Variants in SLC9A9 observed in about 807,000 individuals in gnomAD.
SLC9A9 encodes the protein sodium/hydrogen exchanger 9.
A neutral mutation model predicts 77.8 loss-of-function variants in SLC9A9; 62 were observed. The observed-to-expected ratio is 0.80, with a 90% CI of 0.65 to 0.98. The LOEUF is 0.98. SLC9A9 is among the 50% of genes least tolerant of loss of function. The pLI is 0.00. For synonymous variants in SLC9A9, 320 were observed against 283.5 expected, an observed-to-expected ratio of 1.13 and a Z score of -1.29; for missense variants, 775 against 774.9, an observed-to-expected ratio of 1.00 and a Z score of 0.00.
chr3:143,426,339 C>A (rs1418998308), intron 12 of SLC9A9, among the ~76,000 whole-genome samples: 1 of 152,126 alleles, frequency 6.6e-6, no homozygotes, highest in Non-Finnish European at 1.5e-5. Context: ...TTTAATCAAC[C>A]CTTTTATATT....
At chr3:143,440,711 T>TATCACTA (rs2034717749) in intron 12 of SLC9A9, among the ~76,000 whole-genome samples, 3 of 152,222 alleles carry the variant, frequency 2.0e-5, no homozygotes, top group Non-Finnish European at 4.4e-5. Context: ...CTCTTTGATG[T>TATCACTA]GAAATTACAA....
chr3:143,408,121 G>T (rs527242152), intron 12 of SLC9A9, among the ~76,000 whole-genome samples: 1 of 152,230 alleles, frequency 6.6e-6, no homozygotes, highest in East Asian at 1.9e-4. Flanking sequence ...TATCAGATCG[G>T]GGCCCAATGT....
rs554939930 is a variant in SLC9A9 at position 143,507,833 on chromosome 3, G to A, written c.1090-12385C>T. On this transcript the variant is annotated intron_variant, in intron 9 of 15. Transcript: ENST00000316549. ...GGTGGCTGCAGATCTGGTGTTGAGA[G>A]CCCATTTCCTAGTTTGCAGATGGCT... Among the ~76,000 whole-genome samples the A allele has an allele frequency of 3.3e-5, 5 of 152,296 alleles. No homozygotes were observed. The South Asian group carries it at 1.0e-3, about 32-fold the overall frequency.
At chr3:143,735,497 G>C (rs1288353915) in intron 4 of SLC9A9, among the ~76,000 whole-genome samples, 2 of 152,122 alleles carry the variant, frequency 1.3e-5, no homozygotes, top group African/African-American at 4.8e-5. Flanking sequence ...AAAGCCCAGG[G>C]CAACGAGTCC....
At chr3:143,705,564 CATAA>C (rs1425544757) in intron 4 of SLC9A9, among the ~76,000 whole-genome samples, 1 of 151,646 alleles carries the variant, frequency 6.6e-6, no homozygotes, top group Non-Finnish European at 1.5e-5. Context: ...ACATGTAACG[CATAA>C]ATATATACAG....
At chr3:143,738,367 A>G (rs956854217) in intron 4 of SLC9A9, among the ~76,000 whole-genome samples, 22 of 152,258 alleles carry the variant, frequency 1.4e-4, no homozygotes, top group African/African-American at 5.3e-4. Flanking sequence ...TATAAAATCT[A>G]GTGGCCACAC....
chr3:143,453,580 CAT>C (rs1215603328), intron 12 of SLC9A9, among the ~76,000 whole-genome samples: 3 of 152,154 alleles, frequency 2.0e-5, no homozygotes, highest in Non-Finnish European at 4.4e-5. Flanking sequence ...ATTATCTCAA[CAT>C]ATTCTGAAAG....
chr3:143,415,471 G>A (rs1396578439), intron 12 of SLC9A9, among the ~76,000 whole-genome samples: 1 of 152,180 alleles, frequency 6.6e-6, no homozygotes, highest in Non-Finnish European at 1.5e-5. Context: ...AAATCCTAGG[G>A]CCATTAAGAG....
At position 143,693,323 on chromosome 3, in the gene SLC9A9, A is replaced by T; in HGVS notation, c.534-16T>A. 1.3e-6 allele frequency: 2 copies of T among 1,578,728 alleles called. No individual in the cohort carries two copies. Among genetic ancestry groups the T allele is most frequent in the Non-Finnish European group, 1.7e-6 (2 of 1,148,136 alleles). On this transcript the variant is annotated splice_polypyrimidine_tract_variant and intron_variant, in intron 4 of 15. Coordinates refer to ENST00000316549, the MANE Select transcript of SLC9A9 (RefSeq NM_173653.4). ...CATAATTAACCTGTTGAAGAGAAAAACATGACCTTCAAACATCAAGATGAA... is the reference window on the plus strand; with the variant it reads ...CATAATTAACCTGTTGAAGAGAAAATCATGACCTTCAAACATCAAGATGAA...
In SLC9A9 at chr3:143,307,413, G is replaced by A. The variant is rs144856462; in HGVS notation, c.1605-38433C>T. ...AAACAGAAATTGACATGGCCATACTGAATTCTGCACATATGATCTCTTGAC... is the reference window on the plus strand; with the variant it reads ...AAACAGAAATTGACATGGCCATACTAAATTCTGCACATATGATCTCTTGAC... On this transcript the variant is annotated intron_variant, in intron 14 of 15. Coordinates refer to ENST00000316549, the MANE Select transcript of SLC9A9 (RefSeq NM_173653.4). Among the ~76,000 whole-genome samples, 403 of 152,332 alleles carry A rather than the reference G, an allele frequency of 2.6e-3. 3 individuals are homozygous for A. Among genetic ancestry groups the A allele is most frequent in the African/African-American group, 9.3e-3 (385 of 41,582 alleles).
chr3:143,820,162 A>T (rs2009129974), intron 2 of SLC9A9, among the ~76,000 whole-genome samples: 1 of 152,220 alleles, frequency 6.6e-6, no homozygotes, highest in Admixed American at 6.5e-5. Flanking sequence ...ATGGTTAATT[A>T]TCTCACCTAA....
At chr3:143,363,170 T>G (rs7628692) in intron 14 of SLC9A9, among the ~76,000 whole-genome samples, 55,157 of 152,000 alleles carry the variant, frequency 0.36, 10,224 homozygotes, top group Admixed American at 0.4. Context: ...TGACCAGAAG[T>G]AAGAGCTTTA....
intron 12 of SLC9A9, among the ~76,000 whole-genome samples, chr3:143,419,867 G>A (rs1309641577): frequency 6.6e-6 from 1 of 152,178 alleles, no homozygotes; most frequent in Non-Finnish European, 1.5e-5. Context: ...CTGAGCAGAT[G>A]CCAACTCATC....
At chr3:143,555,709 C>A (rs1296578017) in intron 8 of SLC9A9, among the ~76,000 whole-genome samples, 2 of 152,238 alleles carry the variant, frequency 1.3e-5, no homozygotes, top group African/African-American at 4.8e-5. Flanking sequence ...GATTACATAT[C>A]TCTCTGAACT....
At chr3:143,672,590 C>T (rs900150314) in intron 5 of SLC9A9, among the ~76,000 whole-genome samples, 1 of 152,172 alleles carries the variant, frequency 6.6e-6, no homozygotes, top group African/African-American at 2.4e-5. Context: ...GTCATCCTTA[C>T]TGAAGAGGCT....
intron 6 of SLC9A9, among the ~76,000 whole-genome samples, chr3:143,633,551 T>G (rs1008425580): frequency 6.6e-6 from 1 of 152,162 alleles, no homozygotes; most frequent in Non-Finnish European, 1.5e-5. Flanking sequence ...ACATTTTGAC[T>G]ATTTACATTT....
At chr3:143,560,328 C>G (rs185615445) in intron 8 of SLC9A9, among the ~76,000 whole-genome samples, 404 of 152,284 alleles carry the variant, frequency 2.7e-3, no homozygotes, top group African/African-American at 9.5e-3. Flanking sequence ...TTGGCTCTGA[C>G]CTTGTATGTC....
intron 13 of SLC9A9, among the ~76,000 whole-genome samples, chr3:143,370,850 C>G (rs1312964031): frequency 1.3e-5 from 2 of 152,024 alleles, no homozygotes; most frequent in African/African-American, 4.8e-5. Context: ...AGGATTCAGG[C>G]ATTGGATAAC....
intron 14 of SLC9A9, among the ~76,000 whole-genome samples, chr3:143,345,120 T>C (rs929605711): frequency 3.3e-5 from 5 of 152,216 alleles, no homozygotes; most frequent in African/African-American, 1.2e-4. Context: ...AATGACTGTG[T>C]CTTTGAGTCA....
Sources: allele counts gnomAD v4.1 joint callset (sites outside exome capture counted in the v4.1 genomes callset), GRCh38; gene constraint gnomAD v4.1.1; transcripts MANE v1.5; gene names NCBI Gene and HGNC (gene_info 2026-07-23, HGNC 2026-07-21).